Variants in CCSER2 observed in about 807,000 individuals in gnomAD.
CCSER2 encodes coiled-coil serine rich protein 2, also known as serine-rich coiled-coil domain-containing protein 2.
Under a neutral mutation model 92.3 loss-of-function variants are expected in CCSER2, and 46 were observed. That is an observed-to-expected ratio of 0.50 (90% confidence interval 0.39 to 0.64). The LOEUF (loss-of-function observed/expected upper bound fraction) is 0.64, where lower values mean the gene tolerates loss of function less well. Ranked by LOEUF, CCSER2 falls within the 30% of genes least tolerant of loss-of-function variation. The pLI, the probability that CCSER2 is intolerant of heterozygous loss-of-function variation, is 0.00. For missense variants in CCSER2, 1,244 were observed against 1,238.9 expected, an observed-to-expected ratio of 1.00 and a Z score of -0.06; for synonymous variants, 433 against 431.4, an observed-to-expected ratio of 1.00 and a Z score of -0.04.
rs1287241580 is a variant in CCSER2 at position 84,371,892 on chromosome 10, C to G, written c.840C>G (p.Leu280=). Residue 280 remains leucine (L), a synonymous_variant, in exon 2 of 10, where the codon CTC becomes CTG. Coordinates refer to ENST00000372088, the MANE Select transcript of CCSER2 (RefSeq NM_001284240.2). ...GAAATTCCCGGCAGCCAGAAGTACT[C>G]AATGGGAATGAACATTTGGGGTATG... ...LTRNSRQPEV[L]NGNEHLGYGF... is the part of the protein sequence containing the mutation. The G allele has an allele frequency of 2.5e-6, 4 of 1,613,650 alleles. No homozygotes were observed. Among genetic ancestry groups the G allele is most frequent in the Non-Finnish European group, 3.4e-6 (4 of 1,179,776 alleles).
intron 3 of CCSER2, among the ~76,000 whole-genome samples, chr10:84,402,746 A>C (rs1842185712): frequency 6.6e-6 from 1 of 152,216 alleles, no homozygotes; most frequent in South Asian, 2.1e-4. Flanking sequence ...AAATATGTCC[A>C]TTCTCACCAC....
intron 3 of CCSER2, among the ~76,000 whole-genome samples, chr10:84,386,301 C>T (rs961332254): frequency 6.6e-6 from 1 of 152,162 alleles, no homozygotes; most frequent in African/African-American, 2.4e-5. Context: ...ATGTTTATCA[C>T]AATAAATATA....
intron 9 of CCSER2, among the ~76,000 whole-genome samples, chr10:84,508,388 C>T (rs796095048): frequency 3.9e-5 from 6 of 152,206 alleles, no homozygotes; most frequent in African/African-American, 1.4e-4. Context: ...GCAACAATTC[C>T]ATGAAGTATA....
chr10:84,500,084 A>G (rs981527947), intron 9 of CCSER2: 1 of 1,305,974 alleles, frequency 7.7e-7, no homozygotes, highest in Non-Finnish European at 1.1e-6. Flanking sequence ...CATCTGCTAA[A>G]GCAGCACTCT....
intron 8 of CCSER2, among the ~76,000 whole-genome samples, chr10:84,475,279 A>G (rs1241106470): frequency 1.3e-5 from 2 of 152,214 alleles, no homozygotes; most frequent in Non-Finnish European, 2.9e-5. Flanking sequence ...CAAATGTGGG[A>G]CCAAATAGAA....
chr10:84,415,460 T>A (rs556702304), intron 3 of CCSER2, among the ~76,000 whole-genome samples: 7 of 152,314 alleles, frequency 4.6e-5, no homozygotes, highest in South Asian at 2.1e-4. Flanking sequence ...TTGCCTCAGT[T>A]TTTTTCTTAC....
chr10:84,464,770 G>A (rs899286976), intron 7 of CCSER2, among the ~76,000 whole-genome samples: 3 of 152,112 alleles, frequency 2.0e-5, no homozygotes, highest in African/African-American at 7.2e-5. Context: ...CCCCTATTGT[G>A]GGACATGTTA....
At chr10:84,411,559 T>C (rs1027593750) in intron 3 of CCSER2, among the ~76,000 whole-genome samples, 3 of 152,160 alleles carry the variant, frequency 2.0e-5, no homozygotes, top group African/African-American at 7.2e-5. Context: ...TATTCTCTTC[T>C]TTTTGTGGCA....
chr10:84,411,848 G>T (rs1175918976), intron 3 of CCSER2, among the ~76,000 whole-genome samples: 1 of 152,168 alleles, frequency 6.6e-6, no homozygotes, highest in Non-Finnish European at 1.5e-5. Flanking sequence ...GTACTATGTT[G>T]AATAGGAGTG....
chr10:84,510,092 T>G (rs1174279542), intron 9 of CCSER2, among the ~76,000 whole-genome samples: 1 of 152,172 alleles, frequency 6.6e-6, no homozygotes, highest in Non-Finnish European at 1.5e-5. Context: ...CACAAAGTCA[T>G]AGCTACTTAG....
At chr10:84,395,079 C>T (rs1360231937) in intron 3 of CCSER2, among the ~76,000 whole-genome samples, 1 of 151,840 alleles carries the variant, frequency 6.6e-6, no homozygotes, top group Non-Finnish European at 1.5e-5. Flanking sequence ...AAAAAATTAG[C>T]CAGGCATGGT....
intron 6 of CCSER2, among the ~76,000 whole-genome samples, chr10:84,460,907 A>G (rs527779813): frequency 6.6e-6 from 1 of 152,250 alleles, no homozygotes; most frequent in African/African-American, 2.4e-5. Flanking sequence ...GCAATTTTCA[A>G]AGAAAGTGTT....
intron 1 of CCSER2, among the ~76,000 whole-genome samples, chr10:84,337,573 TGTAAA>T (rs1843908805): frequency 6.6e-6 from 1 of 152,210 alleles, no homozygotes; most frequent in South Asian, 2.1e-4. Context: ...AGGAGTATGC[TGTAAA>T]GTAAAGCTAA....
At chr10:84,414,381 G>A (rs746236115) in intron 3 of CCSER2, among the ~76,000 whole-genome samples, 14 of 152,178 alleles carry the variant, frequency 9.2e-5, no homozygotes, top group South Asian at 4.1e-4. Flanking sequence ...TGTCTGAAAA[G>A]GATCTTATTT....
At position 84,333,450 on chromosome 10, in the gene CCSER2, A is replaced by G. The variant is rs148071071; in HGVS notation, c.-40+4642A>G. 1.1e-4 allele frequency among the ~76,000 whole-genome samples: 17 copies of G among 152,326 alleles called. No individual in the cohort carries two copies. In the East Asian group the frequency reaches 3.3e-3, roughly 29 times the overall value. ...GTGACCTGCCAAGGATAACATAGGT[A>G]GTAAGCATTGGAACTGGAACTCAGT... On this transcript the variant is annotated intron_variant, in intron 1 of 9. Coordinates refer to ENST00000372088, the MANE Select transcript of CCSER2 (RefSeq NM_001284240.2).
intron 5 of CCSER2, among the ~76,000 whole-genome samples, chr10:84,426,745 T>A (rs531313547): frequency 6.6e-6 from 1 of 152,080 alleles, no homozygotes; most frequent in African/African-American, 2.4e-5. Context: ...GTTCCTAAAG[T>A]GAGGGAAAAA....
At chr10:84,435,650 AAAAAAAC>A (rs1180743287) in intron 5 of CCSER2, among the ~76,000 whole-genome samples, 1 of 148,732 alleles carries the variant, frequency 6.7e-6, no homozygotes, top group Non-Finnish European at 1.5e-5. Flanking sequence ...AAAAAAAAAA[AAAAAAAC>A]AAGAACAACA....
intron 9 of CCSER2, among the ~76,000 whole-genome samples, chr10:84,486,103 A>G (rs1294133463): frequency 6.6e-6 from 1 of 152,126 alleles, no homozygotes; most frequent in African/African-American, 2.4e-5. Flanking sequence ...ATAGTATTCC[A>G]TGGTGTATAT....
At chr10:84,501,822 G>GAAAAA (rs11461623) in intron 9 of CCSER2, among the ~76,000 whole-genome samples, 25 of 29,036 alleles carry the variant, frequency 8.6e-4, no homozygotes, top group East Asian at 6.1e-3. Flanking sequence ...GTCATCTAGG[G>GAAAAA]AAAAAAAAAA....
Sources: allele counts gnomAD v4.1 joint callset (sites outside exome capture counted in the v4.1 genomes callset), GRCh38; gene constraint gnomAD v4.1.1; transcripts MANE v1.5; gene names NCBI Gene and HGNC (gene_info 2026-07-23, HGNC 2026-07-21).